Variants in INTS2 observed in about 807,000 individuals in gnomAD.
INTS2 encodes the protein KIAA1287.
INTS2 carries 57 observed loss-of-function variants against 139.6 expected under a neutral mutation model. That is an observed-to-expected ratio of 0.41 (90% CI 0.33 to 0.51). The LOEUF (loss-of-function observed/expected upper bound fraction) is 0.51, where lower values mean the gene tolerates loss of function less well. INTS2 is among the 20% of genes least tolerant of loss of function. INTS2 has a pLI of 0.28. For missense variants in INTS2, 1,196 were observed against 1,436.7 expected (o/e 0.83, Z 2.71); for synonymous variants, 473 against 493.4 (o/e 0.96, Z 0.55).
chr17:61,899,099 A>G (rs1017169880), intron 9 of INTS2, among the ~76,000 whole-genome samples: 1 of 152,240 alleles, frequency 6.6e-6, no homozygotes, highest in Admixed American at 6.5e-5. Context: ...TATAACAAAT[A>G]ATAAAGTGTT....
intron 5 of INTS2, among the ~76,000 whole-genome samples, chr17:61,918,056 T>G (rs979539244): frequency 4.0e-5 from 6 of 151,844 alleles, no homozygotes; most frequent in Non-Finnish European, 8.8e-5. Flanking sequence ...AATAGGCAAA[T>G]CCACAATTAT....
chr17:61,873,404 G>A lies in INTS2; in HGVS notation c.2583-944C>T, dbSNP rs1243621874. Among the ~76,000 whole-genome samples the A allele has an allele frequency of 6.6e-6, 1 of 151,890 alleles. No homozygotes were observed. Among genetic ancestry groups the A allele is most frequent in the Non-Finnish European group, 1.5e-5 (1 of 67,958 alleles). ...AAATAAGAACATTAACATGAAAAAA[G>A]GTTCACAAGTTGTTAAGTGAAAAAT... On this transcript the variant is annotated intron_variant, in intron 19 of 24. Transcript: ENST00000251334. This position sits in a 1 kb window ranked among gnomAD's most constrained non-coding sequence, Gnocchi z 4.0.
rs2079187670 is a variant in INTS2, at chr17:61,882,638, A to G, written c.2090-1467T>C. Among the ~76,000 whole-genome samples, 1 of 152,168 alleles carries G rather than the reference A, an allele frequency of 6.6e-6. No individual in the cohort carries two copies. Among genetic ancestry groups the G allele is most frequent in the Admixed American group, 6.5e-5 (1 of 15,278 alleles). On this transcript the variant is annotated intron_variant, in intron 16 of 24. Transcript: ENST00000251334. This position sits in a 1 kb window ranked among gnomAD's most constrained non-coding sequence, Gnocchi z 4.7. ...TGGCTACTTGGGAGGCTGAGGCACA[A>G]GAATTGCTTGAACCTGGGACGTGGA...
chr17:61,923,070 CTG>C (rs969280783), intron 3 of INTS2, among the ~76,000 whole-genome samples: 4 of 151,718 alleles, frequency 2.6e-5, no homozygotes, highest in Non-Finnish European at 4.4e-5. Flanking sequence ...GAGCGAAACT[CTG>C]TCTCAAAAAA....
At position 61,872,182 on chromosome 17, in the gene INTS2, A is replaced by T; in HGVS notation, c.2778+83T>A. The T allele has an allele frequency of 1.3e-6, 1 of 779,812 alleles. No homozygotes were observed. The highest frequency in any genetic ancestry group is 2.0e-6 in the Non-Finnish European group (1 of 488,818). 48.3% of individuals were successfully genotyped at this position (779,812 alleles called of 1,614,324 possible). ...TATGTCACCAATGTACATGGAGCGC[A>T]CAATGTGCCATCTATTGAACTGATT... is the stretch of plus-strand genomic sequence containing the variant. On this transcript the variant is annotated intron_variant, in intron 20 of 24. Transcript: ENST00000251334. The surrounding 1 kb of genome is among the most constrained non-coding windows in gnomAD (Gnocchi z 4.8).
intron 1 of INTS2, 29 bp from the exon 2 acceptor site, chr17:61,926,691 G>A (rs774234050): frequency 7.0e-5 from 108 of 1,543,874 alleles, no homozygotes; most frequent in Middle Eastern, 1.7e-4. Flanking sequence ...ATGAAAGTAG[G>A]AGTTTAACTT....
In INTS2 at chr17:61,867,302, G is replaced by C. The variant is rs553665221; in HGVS notation, c.*255C>G. The C allele has an allele frequency of 3.9e-6, 1 of 254,934 alleles. No individual in the cohort carries two copies. Among genetic ancestry groups the C allele is most frequent in the East Asian group, 7.5e-5 (1 of 13,404 alleles). 15.8% of individuals were successfully genotyped at this position (254,934 alleles called of 1,614,324 possible). A position where few individuals can be genotyped will look rare whatever the true frequency, so the allele number is the denominator to read the frequency against. On this transcript the variant is annotated 3_prime_UTR_variant, in exon 25 of 25. Transcript: ENST00000251334. The surrounding 1 kb of genome is among the most constrained non-coding windows in gnomAD (Gnocchi z 5.6). ...TTCCAATAATGAGTTTCTTACATGTGTTCCCAGTGGAAAAAAAAAAAGCTC... is the reference window on the plus strand; with the variant it reads ...TTCCAATAATGAGTTTCTTACATGTCTTCCCAGTGGAAAAAAAAAAAGCTC...
chr17:61,891,163 C>T (rs1448112722), intron 14 of INTS2, among the ~76,000 whole-genome samples: 1 of 151,816 alleles, frequency 6.6e-6, no homozygotes, highest in Non-Finnish European at 1.5e-5. Context: ...GGCGTTGTGG[C>T]AGGCGCCTGC....
At position 61,873,190 on chromosome 17, in the gene INTS2, A is replaced by C. The variant is rs2079102383; in HGVS notation, c.2583-730T>G. Among the ~76,000 whole-genome samples, 1 of 152,158 alleles carries C rather than the reference A, an allele frequency of 6.6e-6. No individual in the cohort carries two copies. The highest frequency in any genetic ancestry group is 2.4e-5 in the African/African-American group (1 of 41,442). On this transcript the variant is annotated intron_variant, in intron 19 of 24. Coordinates refer to ENST00000251334, the MANE Select transcript of INTS2 (RefSeq NM_001351695.2). The surrounding 1 kb of genome is among the most constrained non-coding windows in gnomAD (Gnocchi z 4.0). ...TAAAATATCCTAGGGGATTGGGTTA[A>C]GCATAGCTCTATAAAATGGAATACC...
At chr17:61,914,957 A>G (rs1320553164) in intron 5 of INTS2, among the ~76,000 whole-genome samples, 1 of 151,986 alleles carries the variant, frequency 6.6e-6, no homozygotes, top group Non-Finnish European at 1.5e-5. Context: ...TAATCCCAGC[A>G]CTTTGGAAGG....
intron 9 of INTS2, among the ~76,000 whole-genome samples, chr17:61,904,031 A>G (rs2143060283): frequency 6.6e-6 from 1 of 152,336 alleles, no homozygotes; most frequent in African/African-American, 2.4e-5. Context: ...GGAGAGAAGG[A>G]AGGACTGCTA....
intron 1 of INTS2, chr17:61,927,394 A>T (rs1427181899): frequency 6.2e-6 from 1 of 160,834 alleles, no homozygotes; most frequent in South Asian, 1.6e-4. Context: ...TGGCAGCCAA[A>T]GCAGTCCCCT....
chr17:61,906,943 G>A (rs143978125), intron 8 of INTS2, among the ~76,000 whole-genome samples: 1,842 of 112,890 alleles, frequency 0.016, 47 homozygotes, highest in African/African-American at 0.06. Context: ...CAGCCTGGGC[G>A]ACAGACGGAG....
At chr17:61,919,076 C>A (rs776894514) in intron 5 of INTS2, among the ~76,000 whole-genome samples, 8 of 152,092 alleles carry the variant, frequency 5.3e-5, no homozygotes, top group Non-Finnish European at 1.2e-4. Context: ...AGGCACCCAC[C>A]ACCACATCCA....
At position 61,909,805 on chromosome 17, in the gene INTS2, G is replaced by A. The variant is rs1345268825; in HGVS notation, c.954+1715C>T. ...TGTGTGTGTGTATACATATATACGT[G>A]TGTGTGTACATGTGTGTATGTGTGT... On this transcript the variant is annotated intron_variant, in intron 7 of 24. Coordinates refer to ENST00000251334, the MANE Select transcript of INTS2 (RefSeq NM_001351695.2). This position sits in a 1 kb window ranked among gnomAD's most constrained non-coding sequence, Gnocchi z 4.9. 7.6e-6 allele frequency among the ~76,000 whole-genome samples: 1 copy of A among 131,130 alleles called. No individual in the cohort carries two copies. The highest frequency in any genetic ancestry group is 3.2e-4 in the East Asian group (1 of 3,138). 86.0% of individuals were successfully genotyped at this position (131,130 alleles called of 152,430 possible).
chr17:61,885,581 G>A (rs1262909103), intron 15 of INTS2, among the ~76,000 whole-genome samples: 1 of 151,674 alleles, frequency 6.6e-6, no homozygotes, highest in African/African-American at 2.4e-5. Context: ...CACCATGCCT[G>A]GCTAATTTTT....
At chr17:61,907,704 A>ATGTTT in intron 7 of INTS2, 70 bp from the exon 8 acceptor site, 2 of 1,186,520 alleles carry the variant, frequency 1.7e-6, no homozygotes, top group Non-Finnish European at 2.4e-6. Context: ...GAGCTAAAAC[A>ATGTTT]TAGCACCCCA....
In INTS2 at chr17:61,870,198, A is replaced by G. The variant is rs1362807747; in HGVS notation, c.2779-210T>C. ...TTATGAACCCCTTAAGAATCTAAAG[A>G]AAACTATGTACCCTCTCCCGATAAA... On this transcript the variant is annotated intron_variant, in intron 20 of 24. Coordinates refer to ENST00000251334, the MANE Select transcript of INTS2 (RefSeq NM_001351695.2). This position sits in a 1 kb window ranked among gnomAD's most constrained non-coding sequence, Gnocchi z 4.4. 6.6e-6 allele frequency among the ~76,000 whole-genome samples: 1 copy of G among 152,238 alleles called. No homozygotes were observed.
At chr17:61,911,894 G>T in intron 6 of INTS2, 46 bp downstream of exon 6, 2 of 1,582,344 alleles carry the variant, frequency 1.3e-6, no homozygotes, top group South Asian at 2.3e-5. Context: ...AGAGTTCTTG[G>T]ACCTAATATA....
Sources: gnomAD v4.1 joint callset for allele counts (sites outside exome capture counted in the v4.1 genomes callset) on GRCh38, gnomAD v4.1.1 for gene constraint, Gnocchi (gnomAD v3.1) non-coding constraint, MANE v1.5 for transcripts, NCBI Gene and HGNC (gene_info 2026-07-23, HGNC 2026-07-21) for gene names.